The following EMID1 variants were observed in gnomAD, a reference collection of about 807,000 sequenced individuals.
The protein encoded by EMID1 is EMI domain containing 1, also known as EMI domain-containing protein 1.
Under a neutral mutation model 60.6 loss-of-function variants are expected in EMID1, and 40 were observed. That is an observed-to-expected ratio of 0.66 (90% CI 0.51 to 0.86). The LOEUF (loss-of-function observed/expected upper bound fraction) is 0.86. EMID1 is among the 40% of genes least tolerant of loss of function. EMID1 has a pLI of 0.00. For synonymous variants in EMID1, 242 were observed against 231.0 expected (o/e 1.05, Z -0.43); for missense variants, 585 against 597.1 (o/e 0.98, Z 0.21).
intron 12 of EMID1, among the ~76,000 whole-genome samples, chr22:29,238,719 AT>A (rs71196644): frequency 0.14 from 16,840 of 117,266 alleles, 2,223 homozygotes; most frequent in East Asian, 0.24. Flanking sequence ...GTGCCCGGCC[AT>A]TTTTTTTTTT....
At chr22:29,217,324 TGAGCCAGGCAATG>T (rs1265220427) in intron 3 of EMID1, among the ~76,000 whole-genome samples, 2 of 152,204 alleles carry the variant, frequency 1.3e-5, no homozygotes, top group East Asian at 3.9e-4. Flanking sequence ...GGCAGGGGCA[TGAGCCAGGCAATG>T]GAGCCAGGCC....
At chr22:29,212,587 G>A (rs1190379902) in intron 1 of EMID1, among the ~76,000 whole-genome samples, 7 of 148,756 alleles carry the variant, frequency 4.7e-5, no homozygotes, top group Non-Finnish European at 8.9e-5. Flanking sequence ...TTTTTGATAC[G>A]GAGTCTCACT....
intron 10 of EMID1, 42 bp from the exon 11 acceptor site, chr22:29,234,095 T>A: frequency 6.4e-7 from 1 of 1,554,900 alleles, no homozygotes; most frequent in Non-Finnish European, 8.7e-7. Flanking sequence ...GCCCACTCCA[T>A]CCTGCCCCAA....
chr22:29,231,800 A>G (rs2040759513), intron 7 of EMID1, 118 bp downstream of exon 7: 3 of 1,007,528 alleles, frequency 3.0e-6, no homozygotes, highest in East Asian at 5.6e-5. Flanking sequence ...TTGCCTCTTC[A>G]CTCAGCACCC....
intron 14 of EMID1, among the ~76,000 whole-genome samples, chr22:29,255,981 G>T (rs994005337): frequency 2.0e-5 from 3 of 152,156 alleles, no homozygotes; most frequent in African/African-American, 7.2e-5. Context: ...CCCTCCTTGC[G>T]TCTGGCTCCT....
chr22:29,226,165 C>T (rs1388514228), intron 4 of EMID1, among the ~76,000 whole-genome samples: 2 of 152,242 alleles, frequency 1.3e-5, no homozygotes, highest in East Asian at 3.9e-4. Context: ...TCCTCAGCCT[C>T]ATCCATGGCC....
intron 3 of EMID1, among the ~76,000 whole-genome samples, chr22:29,223,350 C>G (rs1397661309): frequency 6.6e-6 from 1 of 152,224 alleles, no homozygotes; most frequent in Non-Finnish European, 1.5e-5. Context: ...GCAGCCGAAG[C>G]TTCATCACAG....
intron 1 of EMID1, 101 bp from the exon 2 acceptor site, chr22:29,214,825 G>A: frequency 2.6e-6 from 2 of 781,730 alleles, no homozygotes. Context: ...GGGGATTCAG[G>A]GCTCTTGAAG....
intron 13 of EMID1, 110 bp downstream of exon 13, chr22:29,243,599 C>T (rs746282665): frequency 7.1e-5 from 89 of 1,256,010 alleles, no homozygotes; most frequent in Non-Finnish European, 9.2e-5. Flanking sequence ...ATCCACATCC[C>T]CACTACAGCC....
chr22:29,230,871 G>A (rs3765297), intron 5 of EMID1, 149 bp from the exon 6 acceptor site: 59,575 of 956,514 alleles, frequency 0.062, 2,820 homozygotes, highest in East Asian at 0.23. Flanking sequence ...CAGAAGGATC[G>A]CTTAAGCCCG....
chr22:29,226,059 C>T (rs1364496510), intron 4 of EMID1, among the ~76,000 whole-genome samples: 1 of 151,868 alleles, frequency 6.6e-6, no homozygotes, highest in Non-Finnish European at 1.5e-5. Flanking sequence ...CCAGAGAGGA[C>T]AAGTCACGCG....
chr22:29,238,714 C>T (rs1411247963), intron 12 of EMID1, among the ~76,000 whole-genome samples: 1 of 124,850 alleles, frequency 8.0e-6, no homozygotes, highest in African/African-American at 3.5e-5. Flanking sequence ...CCACCGTGCC[C>T]GGCCATTTTT....
intron 3 of EMID1, among the ~76,000 whole-genome samples, chr22:29,221,541 AT>A (rs1297855275): frequency 2.6e-5 from 4 of 151,878 alleles, no homozygotes; most frequent in Admixed American, 2.6e-4. Flanking sequence ...CACCTGGCTA[AT>A]TTTTTGTATT....
chr22:29,255,773 T>C (rs959958635), intron 14 of EMID1, among the ~76,000 whole-genome samples: 2 of 152,044 alleles, frequency 1.3e-5, no homozygotes, highest in African/African-American at 2.4e-5. Flanking sequence ...GAGGTCTTCC[T>C]GGAGGAGGTG....
chr22:29,219,966 C>T (rs2146191782), intron 3 of EMID1, among the ~76,000 whole-genome samples: 1 of 152,218 alleles, frequency 6.6e-6, no homozygotes, highest in East Asian at 1.9e-4. Flanking sequence ...AATCCGAGGG[C>T]TAAACATTGC....
intron 5 of EMID1, 57 bp from the exon 6 acceptor site, chr22:29,230,963 T>C (rs942503013): frequency 2.6e-6 from 4 of 1,555,662 alleles, no homozygotes; most frequent in Admixed American, 3.9e-5. Context: ...TCAAAAAAAA[T>C]AGGGAGGGGT....
intron 13 of EMID1, among the ~76,000 whole-genome samples, chr22:29,246,441 G>A (rs565972210): frequency 1.3e-5 from 2 of 151,996 alleles, no homozygotes; most frequent in Admixed American, 6.6e-5. Flanking sequence ...GGGGGCTGTC[G>A]TGGTCATCCT....
intron 14 of EMID1, among the ~76,000 whole-genome samples, 176 bp from the exon 15 acceptor site, chr22:29,258,641 C>T (rs1357657186): frequency 1.3e-5 from 2 of 152,188 alleles, no homozygotes; most frequent in East Asian, 1.9e-4. Flanking sequence ...TAAGTCCTGG[C>T]GTGAGGCACC....
intron 1 of EMID1, 35 bp from the exon 2 acceptor site, chr22:29,214,891 G>T: frequency 6.9e-7 from 1 of 1,459,216 alleles, no homozygotes; most frequent in Non-Finnish European, 9.2e-7. Context: ...GACCCTGTGT[G>T]GTACCTGAGT....
Sources: gnomAD v4.1 joint callset for allele counts (sites outside exome capture counted in the v4.1 genomes callset) on GRCh38, gnomAD v4.1.1 for gene constraint, MANE v1.5 for transcripts, NCBI Gene and HGNC (gene_info 2026-07-23, HGNC 2026-07-21) for gene names.